PAFAH2: variants seen among roughly 807,000 people sequenced by gnomAD.
The protein encoded by PAFAH2 is platelet activating factor acetylhydrolase 2, also known as platelet-activating factor acetylhydrolase 2, cytoplasmic.
PAFAH2 carries 42 observed loss-of-function variants against 49.0 expected under a neutral mutation model. That is an observed-to-expected ratio of 0.86 (90% CI 0.67 to 1.11). The LOEUF (loss-of-function observed/expected upper bound fraction) is 1.11, where lower values mean the gene tolerates loss of function less well. Ranked by LOEUF, PAFAH2 falls within the 50% of genes least tolerant of loss-of-function variation. The probability of loss-of-function intolerance (pLI) is 0.00; values close to 1 mark genes in which losing one functional copy is unlikely to be tolerated. For missense variants in PAFAH2, 503 were observed against 501.8 expected, an observed-to-expected ratio of 1.00 and a Z score of -0.02; for synonymous variants, 184 against 181.3, an observed-to-expected ratio of 1.01 and a Z score of -0.12.
Position 25,977,600 on chromosome 1 carries a change from A to AGCCATGAT in PAFAH2, c.667-835_667-828dup, listed in dbSNP as rs2049614802. On this transcript the variant is annotated intron_variant, in intron 7 of 10. Transcript: ENST00000374282. Reference sequence around the variant, plus strand: ...AGCTCAGGAGGTTGAGGCTGCAGTGAGCCATGATTGCACCACTGCATTCCA... The same window carrying AGCCATGAT: ...AGCTCAGGAGGTTGAGGCTGCAGTGAGCCATGATGCCATGATTGCACCACTGCATTCCA... 2.7e-5 allele frequency among the ~76,000 whole-genome samples: 4 copies of AGCCATGAT among 149,456 alleles called. No individual in the cohort carries two copies. The South Asian group carries it at 8.5e-4, about 32-fold the overall frequency.
intron 10 of PAFAH2, among the ~76,000 whole-genome samples, chr1:25,966,015 A>T (rs982620214): frequency 2.4e-4 from 36 of 151,370 alleles, no homozygotes; most frequent in East Asian, 7.8e-4. Context: ...AACATATTTA[A>T]AAAAAAAAGT....
intron 10 of PAFAH2, among the ~76,000 whole-genome samples, chr1:25,963,692 G>A (rs189632505): frequency 9.3e-4 from 141 of 152,302 alleles, no homozygotes; most frequent in Non-Finnish European, 1.6e-3. Flanking sequence ...TAGTAGAGAC[G>A]AGGTTTCACC....
intron 6 of PAFAH2, among the ~76,000 whole-genome samples, chr1:25,983,535 C>T (rs1225816566): frequency 5.5e-5 from 8 of 144,302 alleles, no homozygotes; most frequent in African/African-American, 1.2e-4. Flanking sequence ...CCAATCTGGG[C>T]GACAGAGCAA....
intron 10 of PAFAH2, among the ~76,000 whole-genome samples, chr1:25,965,033 A>C (rs1227223926): frequency 6.6e-6 from 1 of 152,248 alleles, no homozygotes; most frequent in African/African-American, 2.4e-5. Context: ...TATAGTAACC[A>C]AAAGAGCATG....
At chr1:25,968,259 G>A (rs757675339) in intron 10 of PAFAH2, among the ~76,000 whole-genome samples, 6 of 152,076 alleles carry the variant, frequency 3.9e-5, no homozygotes, top group Non-Finnish European at 8.8e-5. Context: ...TCTTGTGTTG[G>A]GGGGTTGGCC....
At chr1:25,987,873 G>C (rs369985505) in intron 4 of PAFAH2, among the ~76,000 whole-genome samples, 1 of 152,138 alleles carries the variant, frequency 6.6e-6, no homozygotes, top group Admixed American at 6.5e-5. Context: ...ATGAGACCCT[G>C]TCTGAAAAAA....
chr1:25,988,686 C>T lies in PAFAH2; in HGVS notation c.245-359G>A, dbSNP rs112626525. 9.8e-4 allele frequency among the ~76,000 whole-genome samples: 148 copies of T among 151,472 alleles called. 1 individual carries two copies. The highest frequency in any genetic ancestry group is 3.5e-3 in the African/African-American group (146 of 41,280). ...GGCGTGGTGGCGGGCTCCTATAATCCCAGCTACTCAGGAGGCTGAGGCAGG... is the reference window on the plus strand; with the variant it reads ...GGCGTGGTGGCGGGCTCCTATAATCTCAGCTACTCAGGAGGCTGAGGCAGG... On this transcript the variant is annotated intron_variant, in intron 3 of 10. Transcript: ENST00000374282.
Position 25,961,744 on chromosome 1 carries a change from T to C in PAFAH2, c.*245A>G, listed in dbSNP as rs1042432234. On this transcript the variant is annotated 3_prime_UTR_variant, in exon 11 of 11. Transcript: ENST00000374282. ...TCCCCCAGTCCCACTCTACTGCTTG[T>C]TCCCCACTCCATCAAGGTCCCAGAA... 1.2e-5 allele frequency: 5 copies of C among 412,536 alleles called. No individual in the cohort carries two copies. The highest frequency in any genetic ancestry group is 2.2e-5 in the Non-Finnish European group (5 of 229,536). The allele number at this position is 412,536 out of a possible 1,614,324, so 25.6% of individuals were successfully genotyped here.
rs756848307 is a variant in PAFAH2 at position 25,989,521 on chromosome 1, C to T, written c.171G>A (p.Glu57=). The T allele has an allele frequency of 3.8e-5, 61 of 1,612,916 alleles. No homozygotes were observed. The highest frequency in any genetic ancestry group is 5.0e-5 in the Non-Finnish European group (59 of 1,179,504). Residue 57 remains glutamate, a synonymous_variant, in exon 3 of 11, where the codon GAG becomes GAA. Coordinates refer to ENST00000374282, the MANE Select transcript of PAFAH2 (RefSeq NM_000437.4). ...GGTACTCGGCCAGGCCAGTGCAGTA[C>T]TCATAGCGGGGAATCCACAGGGGCT... ...MEQPLWIPRY[E]YCTGLAEYLQ...
chr1:25,996,821 G>C (rs1484440206), intron 1 of PAFAH2, among the ~76,000 whole-genome samples: 1 of 152,204 alleles, frequency 6.6e-6, no homozygotes, highest in Non-Finnish European at 1.5e-5. Flanking sequence ...ATATTGCCTA[G>C]GGCCTGGTGC....
Position 25,990,846 on chromosome 1 carries a change from C to T in PAFAH2, c.-30G>A, listed in dbSNP as rs372558735. On this transcript the variant is annotated 5_prime_UTR_variant, in exon 2 of 11. Transcript: ENST00000374282. ...TCACCGGGTGAATCAAATGACTTGC[C>T]GGAGCTGAACTTGCTGGCTGGATGG... The T allele has an allele frequency of 3.8e-4, 608 of 1,585,628 alleles. 5 individuals carry two copies. The Middle Eastern group carries it at 4.5e-3, about 12-fold the overall frequency.
At chr1:25,969,212 G>T (rs575201567) in intron 10 of PAFAH2, among the ~76,000 whole-genome samples, 1 of 152,296 alleles carries the variant, frequency 6.6e-6, no homozygotes, top group African/African-American at 2.4e-5. Flanking sequence ...GCCCACTCAA[G>T]CATTTATGCC....
Position 25,970,689 on chromosome 1 carries a change from G to A in PAFAH2, c.1084+1869C>T, listed in dbSNP as rs149691472. On this transcript the variant is annotated intron_variant, in intron 10 of 10. Coordinates refer to ENST00000374282, the MANE Select transcript of PAFAH2 (RefSeq NM_000437.4). ...CAGTCTTGACCTCCCAGGCTCAAGT[G>A]ATCCTTCCACCCCAGCCTCCCGAGT... Among the ~76,000 whole-genome samples, 118 of 152,114 alleles carry A rather than the reference G, an allele frequency of 7.8e-4. 1 individual carries two copies. The highest frequency in any genetic ancestry group is 2.6e-3 in the African/African-American group (107 of 41,514).
intron 7 of PAFAH2, among the ~76,000 whole-genome samples, chr1:25,977,284 C>T (rs914752628): frequency 4.0e-5 from 6 of 151,086 alleles, no homozygotes; most frequent in Non-Finnish European, 8.8e-5. Context: ...CAGGCGTGAG[C>T]CACCGCGCCC....
chr1:25,975,301 G>A (rs1383532158), intron 8 of PAFAH2, among the ~76,000 whole-genome samples: 1 of 152,078 alleles, frequency 6.6e-6, no homozygotes, highest in Non-Finnish European at 1.5e-5. Context: ...CCTTGGGCTG[G>A]GCATGGTGGT....
chr1:25,982,255 T>C, intron 7 of PAFAH2, 109 bp downstream of exon 7: 1 of 783,084 alleles, frequency 1.3e-6, no homozygotes. Context: ...GATAGTTATA[T>C]GAGCCAATCA....
intron 10 of PAFAH2, among the ~76,000 whole-genome samples, chr1:25,962,827 A>G (rs1220233738): frequency 1.3e-5 from 2 of 152,036 alleles, no homozygotes; most frequent in African/African-American, 4.8e-5. Context: ...CTCAGAAAAA[A>G]AAAAAAAAAG....
intron 10 of PAFAH2, among the ~76,000 whole-genome samples, chr1:25,969,438 T>C (rs181247111): frequency 3.9e-5 from 6 of 152,340 alleles, no homozygotes; most frequent in Admixed American, 6.5e-5. Flanking sequence ...ACCGCCAGCA[T>C]AGTGAAGTGA....
chr1:25,968,843 C>T (rs1292897775), intron 10 of PAFAH2, among the ~76,000 whole-genome samples: 1 of 152,108 alleles, frequency 6.6e-6, no homozygotes, highest in African/African-American at 2.4e-5. Context: ...AATCCTCCTG[C>T]CTCAGCCTCC....
Sources: gnomAD v4.1 joint callset for allele counts (sites outside exome capture counted in the v4.1 genomes callset) on GRCh38, gnomAD v4.1.1 for gene constraint, MANE v1.5 for transcripts, NCBI Gene and HGNC (gene_info 2026-07-23, HGNC 2026-07-21) for gene names.